DCAF6: variants seen among roughly 807,000 people sequenced by gnomAD.
DCAF6 encodes DDB1 and CUL4 associated factor 6.
A neutral mutation model predicts 125.1 loss-of-function variants in DCAF6; 54 were observed. That is an observed-to-expected ratio of 0.43 (90% CI 0.35 to 0.54). DCAF6 has a LOEUF of 0.54. Among genes scored for constraint, DCAF6 ranks in the 20% least tolerant of loss-of-function variants. The probability of loss-of-function intolerance (pLI) is 0.01; values close to 1 mark genes in which losing one functional copy is unlikely to be tolerated. For missense variants in DCAF6, 934 were observed against 1,161.7 expected (o/e 0.80, Z 2.85); for synonymous variants, 371 against 390.4 (o/e 0.95, Z 0.58).
chr1:167,911,310 G>A, the DCAF6 span, among the ~76,000 whole-genome samples: 2 of 152,186 alleles, frequency 1.3e-5, no homozygotes, highest in African/African-American at 4.8e-5. Flanking sequence ...TCAAAGACCT[G>A]TGCTAACATT....
the DCAF6 span, among the ~76,000 whole-genome samples, chr1:167,875,670 G>T: frequency 6.6e-6 from 1 of 152,224 alleles, no homozygotes; most frequent in Non-Finnish European, 1.5e-5. Context: ...GTACTACTTG[G>T]CTGGGCGCAG....
the DCAF6 span, among the ~76,000 whole-genome samples, chr1:167,919,534 C>T: frequency 6.6e-6 from 1 of 152,220 alleles, no homozygotes; most frequent in Non-Finnish European, 1.5e-5. Flanking sequence ...AAAGACCTCA[C>T]TCTACGTATC....
the DCAF6 span, among the ~76,000 whole-genome samples, chr1:167,874,570 G>GGCATAATCGACCAAAATT: frequency 0.34 from 51,666 of 151,938 alleles, 9,788 homozygotes; most frequent in African/African-American, 0.5. Flanking sequence ...AAAACTATTT[G>GGCATAATCGACCAAAATT]GCACCCTTTG....
chr1:167,899,647 A>G, the DCAF6 span: 2 of 1,611,524 alleles, frequency 1.2e-6, no homozygotes, highest in Admixed American at 1.7e-5. Context: ...AAGGCAAGGA[A>G]TAGGTTTGCA....
intron 19 of DCAF6, 52 bp from the exon 20 acceptor site, chr1:168,066,325 C>A: frequency 1.6e-6 from 2 of 1,221,582 alleles, no homozygotes; most frequent in Non-Finnish European, 1.2e-6. Context: ...ATAAGCATAT[C>A]CTGAATTGCA....
chr1:167,936,968 C>G lies in DCAF6; in HGVS notation c.57C>G (p.Leu19=), dbSNP rs200625438. 3.7e-6 allele frequency: 6 copies of G among 1,611,102 alleles called. No individual in the cohort carries two copies. The highest frequency in any genetic ancestry group is 5.1e-6 in the Non-Finnish European group (6 of 1,179,242). Residue 19 remains leucine (L), a synonymous_variant, in exon 1 of 22, where the codon CTC becomes CTG. Coordinates refer to ENST00000367840, the MANE Select transcript of DCAF6 (RefSeq NM_001198956.2). ...TGTGGGACGTGAGGAAAAGGTCCCT[C>G]GGGCTGGAGGACCCGTCCCGGCTGC... ...HLLWDVRKRS[L]GLEDPSRLRS... is the part of the protein sequence containing the mutation.
At chr1:167,872,438 G>T in the DCAF6 span, among the ~76,000 whole-genome samples, 1 of 151,590 alleles carries the variant, frequency 6.6e-6, no homozygotes, top group Admixed American at 6.6e-5. Context: ...ACACCTACTG[G>T]TAGAACCTTA....
intron 2 of DCAF6, among the ~76,000 whole-genome samples, chr1:167,960,859 GT>G (rs1237817457): frequency 1.3e-5 from 2 of 152,268 alleles, no homozygotes; most frequent in South Asian, 4.1e-4. Context: ...TTTAGAATCA[GT>G]TTGTCAATAC....
chr1:167,997,315 T>C (rs1175162341), intron 7 of DCAF6, among the ~76,000 whole-genome samples: 1 of 152,212 alleles, frequency 6.6e-6, no homozygotes, highest in African/African-American at 2.4e-5. Context: ...TATTATATTG[T>C]TTTAAGAATA....
Position 168,070,334 on chromosome 1 carries a change from C to T in DCAF6, c.2791+1871C>T, listed in dbSNP as rs541781626. Reference sequence around the variant, plus strand: ...TTGATGGGTCAGTTAGTCAACCACTCTTTTTCTCTCCTATCCAGTGTCCTG... The same window carrying T: ...TTGATGGGTCAGTTAGTCAACCACTTTTTTTCTCTCCTATCCAGTGTCCTG... On this transcript the variant is annotated intron_variant, in intron 21 of 21. Transcript: ENST00000367840. 2.1e-3 allele frequency among the ~76,000 whole-genome samples: 319 copies of T among 152,132 alleles called. 2 individuals carry two copies. The highest frequency in any genetic ancestry group is 7.2e-3 in the African/African-American group (298 of 41,500).
At chr1:167,945,959 T>G (rs1459593926) in intron 1 of DCAF6, among the ~76,000 whole-genome samples, 1 of 150,420 alleles carries the variant, frequency 6.6e-6, no homozygotes, top group African/African-American at 2.4e-5. Context: ...CTAAGGGTTT[T>G]TTTTTTTTTT....
At chr1:167,928,533 G>A in the DCAF6 span, among the ~76,000 whole-genome samples, 1 of 152,044 alleles carries the variant, frequency 6.6e-6, no homozygotes, top group Non-Finnish European at 1.5e-5. Context: ...GATCAACAGT[G>A]GATATGGTAG....
intron 1 of DCAF6, among the ~76,000 whole-genome samples, chr1:167,951,576 A>G (rs982891798): frequency 5.3e-5 from 8 of 152,304 alleles, no homozygotes; most frequent in South Asian, 2.1e-4. Flanking sequence ...CTGTGTCTCA[A>G]AAAACAAACA....
At chr1:168,038,248 A>G (rs1311753706) in intron 12 of DCAF6, 123 bp from the exon 13 acceptor site, 6 of 700,942 alleles carry the variant, frequency 8.6e-6, no homozygotes, top group South Asian at 3.4e-5. Flanking sequence ...AATGAAACCC[A>G]TAACAGATGT....
chr1:167,880,372 T>A, the DCAF6 span: 1 of 970,204 alleles, frequency 1.0e-6, no homozygotes. Flanking sequence ...AACAACAGTT[T>A]GAGACACAGG....
the DCAF6 span, chr1:167,905,259 T>C: frequency 2.0e-4 from 245 of 1,243,332 alleles, 5 homozygotes; most frequent in East Asian, 1.7e-3. Flanking sequence ...TTCCTATTGC[T>C]CTTTCTCCAT....
chr1:168,024,220 T>TAA (rs374506657), intron 12 of DCAF6, among the ~76,000 whole-genome samples: 6,009 of 124,622 alleles, frequency 0.048, 179 homozygotes, highest in Non-Finnish European at 0.069. Context: ...CCCATCTCTT[T>TAA]AAAAAAAAAA....
In DCAF6 at chr1:168,042,845, G is replaced by A. The variant is rs10047108; in HGVS notation, c.1728-180G>A. ...TTGAATTTTTTTTCAAGAGTAAAGT[G>A]TGTTATGATAGTCATCTTGATTTGT... On this transcript the variant is annotated intron_variant, in intron 13 of 21. Transcript: ENST00000367840. 7.3e-3 allele frequency: 3,664 copies of A among 505,052 alleles called. 98 individuals carry two copies. Among genetic ancestry groups the A allele is most frequent in the African/African-American group, 0.064 (3,343 of 51,924 alleles). The allele number at this position is 505,052 out of a possible 1,614,324, so 31.3% of individuals were successfully genotyped here. A position where few individuals can be genotyped will look rare whatever the true frequency, so the allele number is the denominator to read the frequency against.
At chr1:167,906,038 T>G in the DCAF6 span, among the ~76,000 whole-genome samples, 1 of 152,190 alleles carries the variant, frequency 6.6e-6, no homozygotes, top group African/African-American at 2.4e-5. Flanking sequence ...GAAAAGGAAC[T>G]GTTATTTTTG....
Sources: allele counts gnomAD v4.1 joint callset (sites outside exome capture counted in the v4.1 genomes callset), GRCh38; gene constraint gnomAD v4.1.1; transcripts MANE v1.5; gene names NCBI Gene and HGNC (gene_info 2026-07-23, HGNC 2026-07-21).